Variants in BBOF1 observed in about 807,000 individuals in gnomAD.
The protein encoded by BBOF1 is basal body orientation factor 1, also known as basal body-orientation factor 1.
In BBOF1, 62 loss-of-function variants were observed where a neutral mutation model predicts 68.0. The ratio of observed to expected loss-of-function variants is 0.91; its 90% CI spans 0.74 to 1.13. BBOF1 has a LOEUF of 1.13. Among genes scored for constraint, BBOF1 ranks in the 50% most tolerant of loss-of-function variants. BBOF1 has a pLI of 0.00. For missense variants in BBOF1, 534 were observed against 600.1 expected (o/e 0.89, Z 1.15); for synonymous variants, 208 against 198.8 (o/e 1.05, Z -0.39).
chr14:74,053,363 G>A (rs914696005), intron 8 of BBOF1, among the ~76,000 whole-genome samples: 59 of 151,226 alleles, frequency 3.9e-4, no homozygotes, highest in Admixed American at 3.4e-3. Flanking sequence ...TGCCTGCCTC[G>A]GCCTCCCAAA....
chr14:74,080,630 A>G (rs937371385), intron 10 of BBOF1, among the ~76,000 whole-genome samples: 2 of 151,944 alleles, frequency 1.3e-5, no homozygotes, highest in African/African-American at 2.4e-5. Context: ...TTTTGTAGAG[A>G]TGGGGCCTCC....
chr14:74,065,343 G>C lies in BBOF1; in HGVS notation c.*644G>C, dbSNP rs1595115598. ...GAACTGGACCAAAAATCTCCTCTTTGTAACAGGTCATATTTGGCTGCCAGG... is the reference window on the plus strand; with the variant it reads ...GAACTGGACCAAAAATCTCCTCTTTCTAACAGGTCATATTTGGCTGCCAGG... On this transcript the variant is annotated 3_prime_UTR_variant, in exon 12 of 12. Transcript: ENST00000394009. 1 of 1,613,986 alleles carries C rather than the reference G, an allele frequency of 6.2e-7. No individual in the cohort carries two copies. Among genetic ancestry groups the C allele is most frequent in the Non-Finnish European group, 8.5e-7 (1 of 1,180,002 alleles).
At chr14:74,025,870 G>C (rs909407183) in intron 2 of BBOF1, among the ~76,000 whole-genome samples, 1 of 151,480 alleles carries the variant, frequency 6.6e-6, no homozygotes, top group Non-Finnish European at 1.5e-5. Flanking sequence ...GCCCATGCCT[G>C]TAATCCCAGC....
intron 4 of BBOF1, 28 bp from the exon 5 acceptor site, chr14:74,040,537 T>TTTTG (rs762853574): frequency 1.5e-5 from 22 of 1,428,990 alleles, no homozygotes; most frequent in Non-Finnish European, 1.9e-5. Flanking sequence ...TATTGATCAT[T>TTTTG]TTTGTTTGTT....
At chr14:74,069,648 G>A (rs1031728987), downstream of BBOF1, among the ~76,000 whole-genome samples, 2 of 151,814 alleles carry the variant, frequency 1.3e-5, no homozygotes, top group Non-Finnish European at 2.9e-5. Flanking sequence ...AGCTACTTGG[G>A]AGTCTGAGGC....
At chr14:74,052,861 A>C (rs1288083370) in intron 8 of BBOF1, among the ~76,000 whole-genome samples, 1 of 151,238 alleles carries the variant, frequency 6.6e-6, no homozygotes, top group African/African-American at 2.4e-5. Flanking sequence ...GTAGCCTGGC[A>C]TGATGGTGTG....
intron 4 of BBOF1, among the ~76,000 whole-genome samples, chr14:74,038,129 T>C (rs984393976): frequency 3.9e-5 from 6 of 152,208 alleles, no homozygotes; most frequent in Admixed American, 6.6e-5. Context: ...TGCACTCACT[T>C]GAGGTGTGAA....
intron 11 of BBOF1, 35 bp downstream of exon 11, chr14:74,057,293 T>C (rs1429525749): frequency 5.0e-6 from 8 of 1,613,854 alleles, no homozygotes; most frequent in Non-Finnish European, 6.8e-6. Context: ...CAATGTATAT[T>C]GTTGTCACCC....
intron 10 of BBOF1, among the ~76,000 whole-genome samples, chr14:74,080,096 A>G (rs1158186593): frequency 6.6e-6 from 1 of 152,176 alleles, no homozygotes; most frequent in Non-Finnish European, 1.5e-5. Context: ...TCCTTTTGCC[A>G]GTTTGCTATG....
intron 9 of BBOF1, chr14:74,074,888 G>T: frequency 1.3e-6 from 2 of 1,494,314 alleles, no homozygotes; most frequent in Non-Finnish European, 1.9e-6. Flanking sequence ...ATGTAAAGAA[G>T]ATAGAGATAC....
intron 2 of BBOF1, among the ~76,000 whole-genome samples, chr14:74,028,444 A>G (rs1325846289): frequency 6.6e-6 from 1 of 150,636 alleles, no homozygotes; most frequent in Non-Finnish European, 1.5e-5. Flanking sequence ...TGAAATTGAC[A>G]TTACCCTTTA....
At chr14:74,024,230 T>A (rs2059374190) in intron 2 of BBOF1, among the ~76,000 whole-genome samples, 1 of 152,010 alleles carries the variant, frequency 6.6e-6, no homozygotes, top group Non-Finnish European at 1.5e-5. Flanking sequence ...AGGAAGAGGC[T>A]GGAGGATAAC....
chr14:74,043,145 G>T (rs919771741), intron 5 of BBOF1, among the ~76,000 whole-genome samples: 1 of 151,962 alleles, frequency 6.6e-6, no homozygotes, highest in Non-Finnish European at 1.5e-5. Context: ...TGCCCCAGCC[G>T]GCCATATAAA....
At chr14:74,067,309 C>T, downstream of BBOF1, 1 of 1,555,530 alleles carries the variant, frequency 6.4e-7, no homozygotes, top group Non-Finnish European at 8.8e-7. Flanking sequence ...CTGGCCAAGG[C>T]CAGTGACAGA....
At position 74,019,448 on chromosome 14, in the gene BBOF1, C is replaced by G. The variant is rs1470436263; in HGVS notation, c.-31C>G. The G allele has an allele frequency of 1.9e-6, 3 of 1,592,444 alleles. No individual in the cohort carries two copies. The African/African-American group carries it at 4.0e-5, about 21-fold the overall frequency. ...GGCCAGGGCGGCCGCGGCTGGGCAA[C>G]TACGACAGCGGAGCCCCTGGGGAAG... On this transcript the variant is annotated 5_prime_UTR_variant, in exon 1 of 12. Transcript: ENST00000394009.
intron 8 of BBOF1, among the ~76,000 whole-genome samples, chr14:74,053,155 G>A (rs551858284): frequency 2.6e-5 from 4 of 151,448 alleles, no homozygotes; most frequent in South Asian, 4.2e-4. Context: ...TCACTCTGTC[G>A]CCAGGCTGGA....
At chr14:74,057,456 C>CAAATGT (rs1266620337) in intron 11 of BBOF1, 198 bp downstream of exon 11, 15 of 1,457,506 alleles carry the variant, frequency 1.0e-5, no homozygotes, top group African/African-American at 1.4e-5. Flanking sequence ...AATGCAAATG[C>CAAATGT]AAATGTGTGC....
At chr14:74,035,201 A>T (rs2059666426) in intron 4 of BBOF1, among the ~76,000 whole-genome samples, 1 of 151,830 alleles carries the variant, frequency 6.6e-6, no homozygotes, top group South Asian at 2.1e-4. Context: ...TAAAAATTAT[A>T]TAAACAGTGG....
At chr14:74,076,850 T>C (rs1345429387) in intron 9 of BBOF1, among the ~76,000 whole-genome samples, 1 of 152,134 alleles carries the variant, frequency 6.6e-6, no homozygotes, top group African/African-American at 2.4e-5. Flanking sequence ...GCACCCAGCC[T>C]ATATATATGT....
Sources: gnomAD v4.1 joint callset for allele counts (sites outside exome capture counted in the v4.1 genomes callset) on GRCh38, gnomAD v4.1.1 for gene constraint, MANE v1.5 for transcripts, NCBI Gene and HGNC (gene_info 2026-07-23, HGNC 2026-07-21) for gene names.